Variants in SEC11C observed in about 807,000 individuals in gnomAD.
The protein encoded by SEC11C is SEC11 homolog C, signal peptidase complex subunit.
SEC11C carries 10 observed loss-of-function variants against 21.9 expected under a neutral mutation model. The ratio of observed to expected loss-of-function variants is 0.46; its 90% CI spans 0.28 to 0.77. The LOEUF is 0.77. SEC11C is among the 30% of genes least tolerant of loss of function. The pLI is 0.12. For missense variants in SEC11C, 145 were observed against 244.5 expected, an observed-to-expected ratio of 0.59 and a Z score of 2.71; for synonymous variants, 83 against 85.6, an observed-to-expected ratio of 0.97 and a Z score of 0.17.
chr18:59,158,142 G>A (rs1024611250), intron 5 of SEC11C, among the ~76,000 whole-genome samples: 3 of 151,918 alleles, frequency 2.0e-5, no homozygotes, highest in East Asian at 1.9e-4. Flanking sequence ...CACAACCTCC[G>A]CCTCCCAGGT....
rs544733726 is a variant in SEC11C at position 59,143,920 on chromosome 18, C to T, written c.87+3885C>T. On this transcript the variant is annotated intron_variant, in intron 1 of 5. Transcript: ENST00000587834. The stretch of plus-strand genomic sequence containing the variant: ...AGGCTGGAGTGCAGTGGTGCAATCT[C>T]GGCTCATTGCAACCTCCGCCTCCCG... 2.7e-5 allele frequency among the ~76,000 whole-genome samples: 4 copies of T among 150,618 alleles called. No homozygotes were observed. The East Asian group carries it at 5.9e-4, about 22-fold the overall frequency.
intron 3 of SEC11C, among the ~76,000 whole-genome samples, chr18:59,154,878 C>T (rs1162605082): frequency 1.3e-5 from 2 of 152,110 alleles, no homozygotes; most frequent in Non-Finnish European, 2.9e-5. Context: ...CCAGCCTGGC[C>T]AACGTGGTGA....
intron 3 of SEC11C, 189 bp downstream of exon 3, chr18:59,152,874 CA>C: frequency 4.3e-6 from 2 of 464,450 alleles, no homozygotes; most frequent in Non-Finnish European, 7.5e-6. Context: ...TAGTAACTCA[CA>C]AAGTGATTAT....
At chr18:59,140,961 T>C (rs2069203425) in intron 1 of SEC11C, among the ~76,000 whole-genome samples, 1 of 152,322 alleles carries the variant, frequency 6.6e-6, no homozygotes, top group African/African-American at 2.4e-5. Flanking sequence ...AATGCCACTA[T>C]TGCTACTAAT....
intron 1 of SEC11C, among the ~76,000 whole-genome samples, chr18:59,141,269 C>T (rs957948513): frequency 6.6e-6 from 1 of 152,162 alleles, no homozygotes; most frequent in African/African-American, 2.4e-5. Context: ...GTGTGCAAAG[C>T]TGATGACTCC....
At chr18:59,149,020 C>A (rs2069314869) in intron 1 of SEC11C, among the ~76,000 whole-genome samples, 1 of 152,244 alleles carries the variant, frequency 6.6e-6, no homozygotes, top group African/African-American at 2.4e-5. Flanking sequence ...TTTAAAATGT[C>A]ATTTTTAGAA....
At chr18:59,141,140 T>A (rs372769432) in intron 1 of SEC11C, among the ~76,000 whole-genome samples, 1 of 142,730 alleles carries the variant, frequency 7.0e-6, no homozygotes, top group African/African-American at 2.8e-5. Context: ...GGCATACGTG[T>A]TTTTCCCCTC....
At chr18:59,149,441 C>A in intron 1 of SEC11C, 72 bp from the exon 2 acceptor site, 3 of 959,682 alleles carry the variant, frequency 3.1e-6, no homozygotes, top group Non-Finnish European at 5.0e-6. Flanking sequence ...TTGATAACTG[C>A]ATCTCCAGCT....
chr18:59,152,348 T>C (rs1431783409), intron 2 of SEC11C, among the ~76,000 whole-genome samples, 188 bp from the exon 3 acceptor site: 3 of 152,172 alleles, frequency 2.0e-5, no homozygotes, highest in African/African-American at 4.8e-5. Context: ...TCATGACATG[T>C]TAATCTCAGT....
At chr18:59,158,594 A>G (rs774117184) in intron 5 of SEC11C, 38 bp from the exon 6 acceptor site, 4 of 1,579,036 alleles carry the variant, frequency 2.5e-6, no homozygotes, top group Non-Finnish European at 3.5e-6. Context: ...ATTTCTTTGT[A>G]GACCTCACAG....
At chr18:59,141,975 G>A (rs190308970) in intron 1 of SEC11C, among the ~76,000 whole-genome samples, 38 of 152,332 alleles carry the variant, frequency 2.5e-4, no homozygotes, top group Non-Finnish European at 3.8e-4. Flanking sequence ...TCTACACTCT[G>A]CTGTGAGCAT....
Position 59,155,771 on chromosome 18 carries a change from G to C in SEC11C, c.431G>C (p.Trp144Ser). Residue 144 changes from tryptophan (W) to serine (S), a missense_variant, in exon 4 of 6, where the codon TGG becomes TCG. By Grantham distance (177) the Trp-to-Ser change is radical (BLOSUM62 -3). Transcript: ENST00000587834. Reference sequence around the variant, plus strand: ...GGCTTGTACAAAGAAGGCCAGAACTGGCTGGAAAAGAAGGACGTGGTGGGA... The same window carrying C: ...GGCTTGTACAAAGAAGGCCAGAACTCGCTGGAAAAGAAGGACGTGGTGGGA... ...DRGLYKEGQN[W>S]LEKKDVVGRA... is the part of the protein sequence containing the mutation. 1 of 1,614,040 alleles carries C rather than the reference G, an allele frequency of 6.2e-7. No homozygotes were observed. The highest frequency in any genetic ancestry group is 8.5e-7 in the Non-Finnish European group (1 of 1,179,962).
chr18:59,140,260 G>A (rs2069194555), intron 1 of SEC11C, among the ~76,000 whole-genome samples: 1 of 152,246 alleles, frequency 6.6e-6, no homozygotes, highest in Non-Finnish European at 1.5e-5. Flanking sequence ...CAGGAAAGGG[G>A]AGAATAGAAA....
intron 2 of SEC11C, 123 bp from the exon 3 acceptor site, chr18:59,152,413 A>G: frequency 9.8e-7 from 1 of 1,019,182 alleles, no homozygotes; most frequent in Non-Finnish European, 1.4e-6. Context: ...GAAGGAAGCC[A>G]CATTGGCTCG....
intron 1 of SEC11C, among the ~76,000 whole-genome samples, chr18:59,142,447 G>T (rs1340549029): frequency 1.3e-5 from 2 of 152,142 alleles, no homozygotes; most frequent in African/African-American, 2.4e-5. Flanking sequence ...CATGGTTTGG[G>T]GCTTTCCTCA....
At chr18:59,140,150 A>G in intron 1 of SEC11C, 115 bp downstream of exon 1, 1 of 893,660 alleles carries the variant, frequency 1.1e-6, no homozygotes, top group South Asian at 1.9e-5. Context: ...CGGCCACCCG[A>G]AGCTCCCGCG....
intron 5 of SEC11C, 97 bp from the exon 6 acceptor site, chr18:59,158,535 C>A: frequency 1.1e-6 from 1 of 923,482 alleles, no homozygotes; most frequent in Non-Finnish European, 1.8e-6. Flanking sequence ...TTGATTCTGT[C>A]CTCAGCGCAG....
chr18:59,144,726 TAAAA>T (rs5825314), intron 1 of SEC11C, among the ~76,000 whole-genome samples: 8 of 98,596 alleles, frequency 8.1e-5, no homozygotes, highest in Non-Finnish European at 1.4e-4. Context: ...CCTTGTATCT[TAAAA>T]AAAAAAAAAA....
In SEC11C at chr18:59,149,545, C is replaced by T. The variant is rs371857962; in HGVS notation, c.120C>T (p.Ile40=). The T allele has an allele frequency of 8.1e-6, 13 of 1,611,282 alleles. No individual in the cohort carries two copies. In the African/African-American group the frequency reaches 9.3e-5, roughly 12 times the overall value. Reference sequence around the variant, plus strand: ...ACCAGGTTTTAAACTTCGCCATGATCGTGTCTTCTGCACTCATGATATGGA... The same window carrying T: ...ACCAGGTTTTAAACTTCGCCATGATTGTGTCTTCTGCACTCATGATATGGA... The part of the protein sequence containing the change: ...LYYQVLNFAM[I]VSSALMIWKG... The change falls in exon 2 of 6, where the codon ATC becomes ATT. Residue 40 remains isoleucine, a synonymous_variant. Transcript: ENST00000587834.
Sources: gnomAD v4.1 joint callset for allele counts (sites outside exome capture counted in the v4.1 genomes callset) on GRCh38, gnomAD v4.1.1 for gene constraint, MANE v1.5 for transcripts, NCBI Gene and HGNC (gene_info 2026-07-23, HGNC 2026-07-21) for gene names.